TBC1D10C: variants seen among roughly 807,000 people sequenced by gnomAD.
TBC1D10C encodes TBC1 domain family member 10C, also known as carabin.
In TBC1D10C, 49 loss-of-function variants were observed where a neutral mutation model predicts 51.0. The ratio of observed to expected loss-of-function variants is 0.96; its 90% confidence interval spans 0.76 to 1.22. The LOEUF (loss-of-function observed/expected upper bound fraction) is 1.22, where lower values mean the gene tolerates loss of function less well. Ranked by LOEUF, TBC1D10C falls within the 50% of genes most tolerant of loss-of-function variation. TBC1D10C has a pLI of 0.00. For synonymous variants in TBC1D10C, 281 were observed against 266.7 expected (o/e 1.05, Z -0.52); for missense variants, 541 against 617.5 (o/e 0.88, Z 1.31).
intron 2 of TBC1D10C, 53 bp downstream of exon 2, chr11:67,405,237 C>A (rs1863100004): frequency 6.5e-7 from 1 of 1,532,464 alleles, no homozygotes; most frequent in Admixed American, 2.0e-5. Context: ...CTCTCTGCCT[C>A]AGCCCACATC....
Position 67,406,278 on chromosome 11 carries a change from C to T in TBC1D10C, c.582+261C>T, listed in dbSNP as rs1343476405. 9 of 513,180 alleles carry T rather than the reference C, an allele frequency of 1.8e-5. No homozygotes were observed. The East Asian group carries it at 2.8e-4, about 16-fold the overall frequency. The allele number at this position is 513,180 out of a possible 1,614,324, so 31.8% of individuals were successfully genotyped here. A position where few individuals can be genotyped will look rare whatever the true frequency, so the allele number is the denominator to read the frequency against. On this transcript the variant is annotated intron_variant, in intron 5 of 8. Transcript: ENST00000542590. ...CACCTTGACCCCACGACTCCTGATTCTGAACTTGGGGACTGCGACCCCAAC... is the reference window on the plus strand; with the variant it reads ...CACCTTGACCCCACGACTCCTGATTTTGAACTTGGGGACTGCGACCCCAAC...
chr11:67,405,636 C>T lies in TBC1D10C; in HGVS notation c.402C>T (p.Thr134=), dbSNP rs1261215196. ...CTGGAGACCCACAGTGGATGGAGAC[C>T]ATTGGCAGGGACCTGCACCGTCAAT... The part of the protein sequence containing the change: ...EAPGDPQWME[T]IGRDLHRQFP... The change falls in exon 4 of 9, where the codon ACC becomes ACT. Residue 134 remains threonine, a synonymous_variant. Transcript: ENST00000542590. 6.2e-7 allele frequency: 1 copy of T among 1,613,934 alleles called. No individual in the cohort carries two copies. The highest frequency in any genetic ancestry group is 1.1e-5 in the South Asian group (1 of 91,090).
chr11:67,409,070 G>A lies in TBC1D10C; in HGVS notation c.930G>A (p.Glu310=), dbSNP rs989611661. Residue 310 remains glutamate, a synonymous_variant, in exon 8 of 9, where the codon GAG becomes GAA. Transcript: ENST00000542590. ...GAGGGGCCTGCCCTGGCCTCCTGGA[G>A]ACACTGGGAGCCCTTCGAGCCATCC... ...EQRGACPGLL[E]TLGALRAIPP... is the part of the protein sequence containing the mutation. 8.1e-6 allele frequency: 13 copies of A among 1,604,126 alleles called. No homozygotes were observed. The highest frequency in any genetic ancestry group is 1.1e-5 in the Non-Finnish European group (13 of 1,176,902).
In TBC1D10C at chr11:67,409,766, A is replaced by C. The variant is rs770949873; in HGVS notation, c.*12A>C. The C allele has an allele frequency of 1.7e-5, 27 of 1,565,998 alleles. No individual in the cohort carries two copies. Among genetic ancestry groups the C allele is most frequent in the African/African-American group, 1.6e-4 (12 of 72,738 alleles). ...ACACCCGCTTCTGAGAGGACCATGGACTTAGTGTCCCCCAGTCTCAATTGC... is the reference window on the plus strand; with the variant it reads ...ACACCCGCTTCTGAGAGGACCATGGCCTTAGTGTCCCCCAGTCTCAATTGC... On this transcript the variant is annotated 3_prime_UTR_variant, in exon 9 of 9. Coordinates refer to ENST00000542590, the MANE Select transcript of TBC1D10C (RefSeq NM_001369496.1).
chr11:67,404,105 C>A lies in TBC1D10C; in HGVS notation c.-98C>A. 4.4e-6 allele frequency: 6 copies of A among 1,378,386 alleles called. No individual in the cohort carries two copies. Among genetic ancestry groups the A allele is most frequent in the Non-Finnish European group, 5.7e-6 (6 of 1,061,514 alleles). The allele number at this position is 1,378,386 out of a possible 1,614,324, so 85.4% of individuals were successfully genotyped here. A position where few individuals can be genotyped will look rare whatever the true frequency, so the allele number is the denominator to read the frequency against. ...GGTGAGATACCCTGAAACCTCCCCC[C>A]TCTGACCCCGCAGCCAGGCCCCAGG... On this transcript the variant is annotated 5_prime_UTR_variant, in exon 1 of 9. Coordinates refer to ENST00000542590, the MANE Select transcript of TBC1D10C (RefSeq NM_001369496.1).
Position 67,406,681 on chromosome 11 carries a change from G to A in TBC1D10C, c.637G>A (p.Gly213Arg), listed in dbSNP as rs761421405. The change falls in exon 6 of 9, where the codon GGG becomes AGG. Residue 213 changes from glycine (G) to arginine (R), a missense_variant. Gly to Arg is a moderately radical substitution (Grantham distance 125, BLOSUM62 -2). Transcript: ENST00000542590. The part of the protein sequence containing the change: ...ICEVYLPGYY[G>R]PHMEAVRLDA... ...TGAGGTCTACCTCCCTGGGTACTAC[G>A]GGCCCCACATGGTGAGAGGCTGACA... is the stretch of plus-strand genomic sequence containing the variant. 1.6e-5 allele frequency: 26 copies of A among 1,577,468 alleles called. No homozygotes were observed. The highest frequency in any genetic ancestry group is 2.2e-5 in the Non-Finnish European group (25 of 1,161,196).
chr11:67,409,091 C>T lies in TBC1D10C; in HGVS notation c.951C>T (p.Ala317=). Residue 317 remains alanine, a synonymous_variant, in exon 8 of 9, where the codon GCC becomes GCT. Transcript: ENST00000542590. ...GLLETLGALR[A]IPPAQLQEEA... is the part of the protein sequence containing the mutation. ...TGGAGACACTGGGAGCCCTTCGAGC[C>T]ATCCCCCCCGCGCAGCTGCAGGAGG... 1 of 1,602,780 alleles carries T rather than the reference C, an allele frequency of 6.2e-7. No individual in the cohort carries two copies. Among genetic ancestry groups the T allele is most frequent in the Non-Finnish European group, 8.5e-7 (1 of 1,176,042 alleles).
chr11:67,409,492 C>G lies in TBC1D10C; in HGVS notation c.1079C>G (p.Pro360Arg). 6.5e-7 allele frequency: 1 copy of G among 1,548,498 alleles called. No individual in the cohort carries two copies. Among genetic ancestry groups the G allele is most frequent in the Non-Finnish European group, 8.7e-7 (1 of 1,146,312 alleles). Reference protein sequence around the residue: ...LAQLPDSAPGPPPRPQVRLAG... With the variant: ...LAQLPDSAPGRPPRPQVRLAG... ...CAGCTGCCCGATTCCGCGCCGGGAC[C>G]CCCGCCCCGGCCACAGGTCCGCCTC... Residue 360 changes from proline to arginine, a missense_variant, in exon 9 of 9, where the codon CCC (proline) becomes CGC (arginine). Pro to Arg is a moderately radical substitution (Grantham distance 103). Coordinates refer to ENST00000542590, the MANE Select transcript of TBC1D10C (RefSeq NM_001369496.1).
Position 67,406,848 on chromosome 11 carries a change from G to T in TBC1D10C, c.670G>T (p.Glu224Ter), listed in dbSNP as rs777317954. ...PHMEAVRLDA[E>*]VFMALLRRLL... ...ACAGGAGGCTGTGCGGCTGGACGCC[G>T]AGGTGTTCATGGCCCTGCTGCGGCG... is the stretch of plus-strand genomic sequence containing the variant. Residue 224 changes from glutamate (E) to a stop codon, truncating the protein, a stop_gained, in exon 7 of 9, where the codon GAG becomes TAG. Coordinates refer to ENST00000542590, the MANE Select transcript of TBC1D10C (RefSeq NM_001369496.1). LOFTEE classifies it high-confidence loss of function. 1 of 1,609,206 alleles carries T rather than the reference G, an allele frequency of 6.2e-7. No individual in the cohort carries two copies. The highest frequency in any genetic ancestry group is 1.7e-5 in the Admixed American group (1 of 59,904).
In TBC1D10C at chr11:67,405,817, G is replaced by A. The variant is rs900183533; in HGVS notation, c.468-86G>A. The stretch of plus-strand genomic sequence containing the variant: ...TCTCAGGGGACCCAGGAAGGCCCAG[G>A]GAGGCTGAGGCCTGGGCAGAGGCCC... On this transcript the variant is annotated intron_variant, in intron 4 of 8. Coordinates refer to ENST00000542590, the MANE Select transcript of TBC1D10C (RefSeq NM_001369496.1). The A allele has an allele frequency of 1.3e-5, 20 of 1,542,986 alleles. No homozygotes were observed. The South Asian group carries it at 2.1e-4, about 16-fold the overall frequency.
chr11:67,405,568 C>T lies in TBC1D10C; in HGVS notation c.361-27C>T, dbSNP rs772430351. 3.7e-6 allele frequency: 6 copies of T among 1,613,720 alleles called. No homozygotes were observed. The South Asian group carries it at 5.5e-5, about 15-fold the overall frequency. On this transcript the variant is annotated intron_variant, in intron 3 of 8. Coordinates refer to ENST00000542590, the MANE Select transcript of TBC1D10C (RefSeq NM_001369496.1). ...AGAGCCCCTCACCACACTGAACCCT[C>T]ACACCCACCTTCCTGGCTACCCACA... is the stretch of plus-strand genomic sequence containing the variant.
Position 67,404,187 on chromosome 11 carries a change from G to A in TBC1D10C, c.-16G>A, listed in dbSNP as rs375774058. 588 of 1,500,194 alleles carry A rather than the reference G, an allele frequency of 3.9e-4. No individual in the cohort carries two copies. Among genetic ancestry groups the A allele is most frequent in the South Asian group, 8.6e-4 (69 of 79,970 alleles). The allele number at this position is 1,500,194 out of a possible 1,614,324, so 92.9% of individuals were successfully genotyped here. On this transcript the variant is annotated 5_prime_UTR_variant, in exon 1 of 9. Coordinates refer to ENST00000542590, the MANE Select transcript of TBC1D10C (RefSeq NM_001369496.1). The stretch of plus-strand genomic sequence containing the variant: ...CCCCACTTTCTCTGCCTGTGGCATC[G>A]AAGGCCCCGGGCACCATGGCCCAGG...
At chr11:67,406,221 T>C in intron 5 of TBC1D10C, 2 of 537,502 alleles carry the variant, frequency 3.7e-6, no homozygotes, top group East Asian at 3.1e-5. Context: ...ACCCCAGCCT[T>C]GACCCCAGTC....
chr11:67,406,236 A>G (rs1298702885), intron 5 of TBC1D10C: 2 of 528,478 alleles, frequency 3.8e-6, no homozygotes, highest in African/African-American at 1.9e-5. Flanking sequence ...CCAGTCATCT[A>G]GGAATCTGGA....
rs1863039230 is a variant in TBC1D10C, at chr11:67,404,083, G to A, written c.-120G>A. The A allele has an allele frequency of 3.2e-6, 4 of 1,263,366 alleles. No homozygotes were observed. Among genetic ancestry groups the A allele is most frequent in the Non-Finnish European group, 4.2e-6 (4 of 961,684 alleles). The allele number at this position is 1,263,366 out of a possible 1,614,324, so 78.3% of individuals were successfully genotyped here. On this transcript the variant is annotated 5_prime_UTR_variant, in exon 1 of 9. Coordinates refer to ENST00000542590, the MANE Select transcript of TBC1D10C (RefSeq NM_001369496.1). ...AAAGAGGAGACATAGGGGGCTTGGT[G>A]AGATACCCTGAAACCTCCCCCCTCT...
intron 7 of TBC1D10C, 66 bp downstream of exon 7, chr11:67,407,082 C>A: frequency 1.3e-6 from 2 of 1,511,478 alleles, no homozygotes; most frequent in Non-Finnish European, 1.8e-6. Context: ...AGCTCACCAG[C>A]TCCAGGGTTC....
At chr11:67,408,747 C>G in intron 7 of TBC1D10C, 1 of 487,866 alleles carries the variant, frequency 2.0e-6, no homozygotes, top group Admixed American at 4.3e-5. Context: ...CGACAGTAAC[C>G]AAATTCACAA....
Position 67,404,249 on chromosome 11 carries a change from A to G in TBC1D10C, c.47A>G (p.Gln16Arg). The G allele has an allele frequency of 6.3e-7, 1 of 1,591,420 alleles. No homozygotes were observed. The highest frequency in any genetic ancestry group is 8.6e-7 in the Non-Finnish European group (1 of 1,165,062). The change falls in exon 1 of 9, where the codon CAG becomes CGG. Residue 16 changes from glutamine (Q) to arginine (R), a missense_variant. Gln to Arg is a conservative substitution (Grantham distance 43, BLOSUM62 1). Transcript: ENST00000542590. The part of the protein sequence containing the change: ...GEDLVQPPEL[Q>R]DDSSSLGSDS... Reference sequence around the variant, plus strand: ...GACCTGGTGCAGCCTCCCGAGCTGCAGGATGACTCCAGCTCCTTGGGGTCC... The same window carrying G: ...GACCTGGTGCAGCCTCCCGAGCTGCGGGATGACTCCAGCTCCTTGGGGTCC...
At chr11:67,404,034 C>T (rs577713216), upstream of TBC1D10C, 1 of 787,930 alleles carries the variant, frequency 1.3e-6, no homozygotes, top group Non-Finnish European at 1.8e-6. Context: ...TCTGTCAGGG[C>T]AGGGCCTAGC....
Sources: allele counts gnomAD v4.1 joint callset, GRCh38; gene constraint gnomAD v4.1.1; transcripts MANE v1.5; gene names NCBI Gene and HGNC (gene_info 2026-07-23, HGNC 2026-07-21).